The following BPIFB4 variants were observed in gnomAD, a reference collection of about 807,000 sequenced individuals.
BPIFB4 encodes the protein BPI fold-containing family B member 4.
BPIFB4 carries 62 observed loss-of-function variants against 69.2 expected under a neutral mutation model. The observed-to-expected ratio is 0.90, with a 90% CI of 0.73 to 1.11. The LOEUF is 1.11. BPIFB4 is among the 50% of genes least tolerant of loss of function. The pLI, the probability that BPIFB4 is intolerant of heterozygous loss-of-function variation, is 0.00. For missense variants in BPIFB4, 789 were observed against 792.0 expected (o/e 1.00, Z 0.04); for synonymous variants, 330 against 332.7 (o/e 0.99, Z 0.09).
chr20:33,093,193 A>T (rs1981658668), intron 11 of BPIFB4, among the ~76,000 whole-genome samples: 1 of 152,006 alleles, frequency 6.6e-6, no homozygotes, highest in Non-Finnish European at 1.5e-5. Context: ...CTTCATATCT[A>T]CCTATGCGTC....
chr20:33,094,835 T>C (rs1981711520), intron 11 of BPIFB4, among the ~76,000 whole-genome samples: 1 of 152,160 alleles, frequency 6.6e-6, no homozygotes, highest in Non-Finnish European at 1.5e-5. Context: ...AGGAGAAATA[T>C]TCAGGTTTTG....
In BPIFB4 at chr20:33,081,515, A is replaced by G; in HGVS notation, c.-12A>G. On this transcript the variant is annotated 5_prime_UTR_variant, in exon 3 of 18. Transcript: ENST00000375483. ...ATCTGCACTTTCTCCTCCACAGGGA[A>G]GCAGTGCCAGCATGTGGATGGCCTG... The G allele has an allele frequency of 6.4e-7, 1 of 1,551,546 alleles. No individual in the cohort carries two copies. The highest frequency in any genetic ancestry group is 8.7e-7 in the Non-Finnish European group (1 of 1,146,964).
At position 33,104,939 on chromosome 20, in the gene BPIFB4, T is replaced by C. The variant is rs1205630020; in HGVS notation, c.1744+66T>C. ...TGGGTACTGGGGGATACTGGCTTGT[T>C]GGGCATGCTGGATGTGCATCTATCC... is the stretch of plus-strand genomic sequence containing the variant. On this transcript the variant is annotated intron_variant, in intron 16 of 17. Coordinates refer to ENST00000375483, the MANE Select transcript of BPIFB4 (RefSeq NM_182519.3). 22 of 1,498,086 alleles carry C rather than the reference T, an allele frequency of 1.5e-5. No homozygotes were observed. The African/African-American group carries it at 1.9e-4, about 13-fold the overall frequency. 92.8% of individuals were successfully genotyped at this position (1,498,086 alleles called of 1,614,324 possible). A position where few individuals can be genotyped will look rare whatever the true frequency, so the allele number is the denominator to read the frequency against.
chr20:33,110,400 A>G (rs192752429), intron 17 of BPIFB4, among the ~76,000 whole-genome samples: 4 of 152,366 alleles, frequency 2.6e-5, no homozygotes, highest in East Asian at 1.9e-4. Context: ...ACCGATGTCC[A>G]TGTGACTTAT....
chr20:33,096,942 A>G (rs1981772855), intron 12 of BPIFB4, among the ~76,000 whole-genome samples: 1 of 152,246 alleles, frequency 6.6e-6, no homozygotes, highest in African/African-American at 2.4e-5. Flanking sequence ...TTTGATAAAT[A>G]TGGCAAACTG....
Position 33,081,869 on chromosome 20 carries a change from A to G in BPIFB4, c.106+237A>G, listed in dbSNP as rs576912883. ...GCTCATTCTTTAGAGGCAATAGAGAACAATGATTAAGAGCCCTGGATCAGC... is the reference window on the plus strand; with the variant it reads ...GCTCATTCTTTAGAGGCAATAGAGAGCAATGATTAAGAGCCCTGGATCAGC... On this transcript the variant is annotated intron_variant, in intron 3 of 17. Coordinates refer to ENST00000375483, the MANE Select transcript of BPIFB4 (RefSeq NM_182519.3). Among the ~76,000 whole-genome samples the G allele has an allele frequency of 3.3e-5, 5 of 152,356 alleles. No individual in the cohort carries two copies. The South Asian group carries it at 1.0e-3, about 32-fold the overall frequency.
intron 10 of BPIFB4, among the ~76,000 whole-genome samples, chr20:33,091,619 T>TGGA (rs1981602778): frequency 6.6e-6 from 1 of 152,258 alleles, no homozygotes; most frequent in Non-Finnish European, 1.5e-5. Context: ...CATGCACACC[T>TGGA]AATATATTCA....
intron 17 of BPIFB4, among the ~76,000 whole-genome samples, chr20:33,109,095 A>G (rs1982160003): frequency 6.6e-6 from 1 of 152,164 alleles, no homozygotes. Context: ...GCCTTGGCCC[A>G]GTCTCTTGAG....
At chr20:33,085,376 A>T (rs1981394062) in intron 6 of BPIFB4, among the ~76,000 whole-genome samples, 1 of 152,124 alleles carries the variant, frequency 6.6e-6, no homozygotes, top group South Asian at 2.1e-4. Flanking sequence ...AATCGCTTGA[A>T]CCCAGGAGGC....
Position 33,100,507 on chromosome 20 carries a change from C to G in BPIFB4, c.1637+14C>G. On this transcript the variant is annotated intron_variant, in intron 14 of 17. Transcript: ENST00000375483. ...CAAGCTGGAGAAGTAAGGGGCTATG[C>G]TGCCTTGGGGTCCTGACGGTGCTGG... The G allele has an allele frequency of 3.1e-6, 5 of 1,604,470 alleles. No homozygotes were observed. The highest frequency in any genetic ancestry group is 4.3e-6 in the Non-Finnish European group (5 of 1,171,458).
intron 3 of BPIFB4, 68 bp downstream of exon 3, chr20:33,081,700 T>C: frequency 6.5e-7 from 1 of 1,533,910 alleles, no homozygotes; most frequent in Non-Finnish European, 8.8e-7. Flanking sequence ...AACTCTGAAG[T>C]ACCCAGGAAC....
At position 33,083,437 on chromosome 20, in the gene BPIFB4, A is replaced by T; in HGVS notation, c.240A>T (p.Lys80Asn). Residue 80 changes from lysine (K) to asparagine (N), a missense_variant, in exon 5 of 18, where the codon AAA (lysine) becomes AAT (asparagine). Around this residue, in one of 3 missense-constraint regions of BPIFB4, gnomAD observed 611 missense variants for 575.4 expected, o/e 1.06. Transcript: ENST00000375483. ...CCCCAGTATATACCAACGGCAAAAA[A>T]CTTGATGGTATTTACCAGTATGGTC... ...GPPPVYTNGK[K>N]LDGIYQYGHI... The T allele has an allele frequency of 1.9e-6, 3 of 1,613,208 alleles. No homozygotes were observed. The highest frequency in any genetic ancestry group is 2.5e-6 in the Non-Finnish European group (3 of 1,179,726).
At chr20:33,101,362 C>A (rs1280879055) in intron 14 of BPIFB4, among the ~76,000 whole-genome samples, 2 of 152,122 alleles carry the variant, frequency 1.3e-5, no homozygotes, top group Non-Finnish European at 1.5e-5. Flanking sequence ...GGGTTCAAAT[C>A]CTGATGTGAC....
At chr20:33,111,297 T>C (rs1982230678) in intron 17 of BPIFB4, 117 bp from the exon 18 acceptor site, 2 of 1,355,696 alleles carry the variant, frequency 1.5e-6, no homozygotes, top group Non-Finnish European at 2.1e-6. Flanking sequence ...TTATCTCCGC[T>C]GTTCAGAGTT....
chr20:33,110,813 GTTT>G (rs1409074801), intron 17 of BPIFB4, among the ~76,000 whole-genome samples: 1 of 114,242 alleles, frequency 8.8e-6, no homozygotes, highest in Non-Finnish European at 1.8e-5. Context: ...TTTTGTTGAA[GTTT>G]TTTTTTTTTT....
intron 3 of BPIFB4, among the ~76,000 whole-genome samples, chr20:33,081,941 T>A (rs1442073260): frequency 5.3e-5 from 8 of 152,242 alleles, no homozygotes; most frequent in Admixed American, 5.2e-4. Context: ...GTTCATGACT[T>A]GAGTTCCCTG....
At chr20:33,081,131 G>T (rs766719008) in intron 2 of BPIFB4, among the ~76,000 whole-genome samples, 2 of 152,214 alleles carry the variant, frequency 1.3e-5, no homozygotes, top group African/African-American at 4.8e-5. Flanking sequence ...GGAATGAGTA[G>T]ATGAGTAGAT....
Position 33,104,837 on chromosome 20 carries a change from A to C in BPIFB4, c.1708A>C (p.Lys570Gln). The change falls in exon 16 of 18, where the codon AAG becomes CAG. Residue 570 changes from lysine (K) to glutamine (Q), a missense_variant. By Grantham distance (53) the Lys-to-Gln change is moderately conservative. Coordinates refer to ENST00000375483, the MANE Select transcript of BPIFB4 (RefSeq NM_182519.3). Reference protein sequence around the residue: ...DIGLMEVLVEKIFDLAFMPAM... With the variant: ...DIGLMEVLVEQIFDLAFMPAM... ...TGGCCTCATGGAGGTGCTGGTGGAG[A>C]AGATTTTTGACCTGGCATTCATGCC... The C allele has an allele frequency of 6.2e-7, 1 of 1,614,030 alleles. No individual in the cohort carries two copies. Among genetic ancestry groups the C allele is most frequent in the South Asian group, 1.1e-5 (1 of 91,076 alleles).
intron 13 of BPIFB4, 54 bp downstream of exon 13, chr20:33,097,841 A>G (rs1345749432): frequency 1.7e-5 from 26 of 1,516,206 alleles, no homozygotes; most frequent in Non-Finnish European, 1.8e-6. Context: ...ACAGAGCCAC[A>G]TGGTCTCCTG....
Sources: allele counts gnomAD v4.1 joint callset (sites outside exome capture counted in the v4.1 genomes callset), GRCh38; gene constraint gnomAD v4.1.1; regional missense constraint gnomAD v4.1.1; transcripts MANE v1.5; gene names NCBI Gene and HGNC (gene_info 2026-07-23, HGNC 2026-07-21).